NRG4: variants seen among roughly 807,000 people sequenced by gnomAD.
NRG4 encodes the protein pro-neuregulin-4, membrane-bound isoform.
A neutral mutation model predicts 15.0 loss-of-function variants in NRG4; 10 were observed. The observed-to-expected ratio is 0.67, with a 90% CI of 0.41 to 1.13. The LOEUF (loss-of-function observed/expected upper bound fraction) is 1.13. Among genes scored for constraint, NRG4 ranks in the 50% most tolerant of loss-of-function variants. The probability of loss-of-function intolerance (pLI) is 0.00; values close to 1 mark genes in which losing one functional copy is unlikely to be tolerated. For synonymous variants in NRG4, 41 were observed against 50.1 expected, an observed-to-expected ratio of 0.82 and a Z score of 0.77; for missense variants, 139 against 140.2, an observed-to-expected ratio of 0.99 and a Z score of 0.04.
chr15:75,959,690 AG>A (rs2032422471), intron 4 of NRG4, among the ~76,000 whole-genome samples: 1 of 151,482 alleles, frequency 6.6e-6, no homozygotes, highest in Non-Finnish European at 1.5e-5. Flanking sequence ...TTGTAGAGAC[AG>A]GGTCTTGTGA....
At chr15:75,943,838 CAGA>C (rs1437044809) in intron 5 of NRG4, among the ~76,000 whole-genome samples, 184 bp from the exon 6 acceptor site, 3 of 152,148 alleles carry the variant, frequency 2.0e-5, no homozygotes. Flanking sequence ...CAAGACTCCT[CAGA>C]ACACTGAGTT....
intron 4 of NRG4, among the ~76,000 whole-genome samples, chr15:75,956,344 C>T (rs2032238674): frequency 6.6e-6 from 1 of 152,094 alleles, no homozygotes; most frequent in South Asian, 2.1e-4. Context: ...TTTTTGTGCT[C>T]TTTTTAAAGA....
At chr15:75,945,249 ATTTT>A (rs1567067246) in intron 5 of NRG4, among the ~76,000 whole-genome samples, 1 of 136,880 alleles carries the variant, frequency 7.3e-6, no homozygotes, top group African/African-American at 2.7e-5. Context: ...TGATATATAT[ATTTT>A]TTATCATTTA....
intron 3 of NRG4, among the ~76,000 whole-genome samples, chr15:75,991,420 C>T (rs2034012106): frequency 6.6e-6 from 1 of 152,134 alleles, no homozygotes; most frequent in African/African-American, 2.4e-5. Flanking sequence ...CAAGATTTAG[C>T]CCATGGGTCA....
Position 75,978,125 on chromosome 15 carries a change from C to G in NRG4, c.105-16151G>C, listed in dbSNP as rs117520399. On this transcript the variant is annotated intron_variant, in intron 3 of 5. Transcript: ENST00000394907. ...AGCTACCGTGCCCAGCCTCTTCTAGCTATTTTGAAATATACAATAAATCTA... is the reference window on the plus strand; with the variant it reads ...AGCTACCGTGCCCAGCCTCTTCTAGGTATTTTGAAATATACAATAAATCTA... Among the ~76,000 whole-genome samples, 966 of 152,230 alleles carry G rather than the reference C, an allele frequency of 6.3e-3. 6 individuals are homozygous for G. Among genetic ancestry groups the G allele is most frequent in the Non-Finnish European group, 0.011 (773 of 68,000 alleles).
At chr15:76,032,258 C>A (rs1251170837) in intron 5 of NRG4, among the ~76,000 whole-genome samples, 2 of 151,984 alleles carry the variant, frequency 1.3e-5, no homozygotes, top group Non-Finnish European at 2.9e-5. Context: ...GCAAGTCTTA[C>A]AATATTGTTA....
intron 3 of NRG4, among the ~76,000 whole-genome samples, chr15:75,995,911 T>C (rs2141881294): frequency 6.6e-6 from 1 of 152,304 alleles, no homozygotes; most frequent in East Asian, 1.9e-4. Flanking sequence ...CTTCATGCAT[T>C]ACAGTTCTAA....
Position 76,039,959 on chromosome 15 carries a change from G to A in NRG4, c.-104-3968C>T, listed in dbSNP as rs770911704. Among the ~76,000 whole-genome samples the A allele has an allele frequency of 2.0e-4, 31 of 152,012 alleles. 1 individual carries two copies. Among genetic ancestry groups the A allele is most frequent in the African/African-American group, 4.1e-4 (17 of 41,378 alleles). ...TGAGGCATGAGAATCATTTGAACCC[G>A]GAGGCAGAGGTTGAGGTGAGCCAAG... On this transcript the variant is annotated intron_variant, in intron 4 of 8. Coordinates refer to the NRG4 transcript ENST00000563910.
chr15:75,994,938 C>T (rs1378316531), intron 3 of NRG4, among the ~76,000 whole-genome samples: 2 of 151,950 alleles, frequency 1.3e-5, no homozygotes, highest in East Asian at 3.9e-4. Flanking sequence ...CTTTGGGAGG[C>T]CAAGGGAGGA....
At chr15:75,993,088 C>T (rs567189997) in intron 3 of NRG4, among the ~76,000 whole-genome samples, 1 of 152,038 alleles carries the variant, frequency 6.6e-6, no homozygotes, top group South Asian at 2.1e-4. Flanking sequence ...GATAAGAAAT[C>T]AGTTGCCATT....
At chr15:75,966,556 G>A (rs2032803468) in intron 3 of NRG4, among the ~76,000 whole-genome samples, 2 of 152,034 alleles carry the variant, frequency 1.3e-5, no homozygotes, top group South Asian at 4.1e-4. Context: ...CAATAAATGT[G>A]CTATCATTAT....
At chr15:76,034,675 A>G (rs2035558558) in intron 5 of NRG4, among the ~76,000 whole-genome samples, 1 of 151,824 alleles carries the variant, frequency 6.6e-6, no homozygotes, top group Admixed American at 6.6e-5. Context: ...CTTATCTCTT[A>G]GCTGCTGACC....
At chr15:75,937,107 CT>C (rs2030420512), downstream of NRG4, 1 of 151,580 alleles carries the variant, frequency 6.6e-6, no homozygotes, top group African/African-American at 2.4e-5. Flanking sequence ...TATTCAAGGT[CT>C]TGTAATAAAA....
intron 5 of NRG4, among the ~76,000 whole-genome samples, chr15:75,946,775 A>T (rs1413350443): frequency 6.6e-6 from 1 of 152,108 alleles, no homozygotes; most frequent in Non-Finnish European, 1.5e-5. Flanking sequence ...GAATTTGCCT[A>T]TTCTAGGTGC....
rs144613764 is a variant in NRG4 at position 75,978,103 on chromosome 15, T to C, written c.105-16129A>G. 3.0e-3 allele frequency among the ~76,000 whole-genome samples: 457 copies of C among 152,208 alleles called. 3 individuals are homozygous for C. The highest frequency in any genetic ancestry group is 4.1e-3 in the Non-Finnish European group (276 of 67,990). On this transcript the variant is annotated intron_variant, in intron 3 of 5. Coordinates refer to ENST00000394907, the MANE Select transcript of NRG4 (RefSeq NM_138573.4). ...AAGTGCTGGGATTACAGGCATGAGCTACCGTGCCCAGCCTCTTCTAGCTAT... is the reference window on the plus strand; with the variant it reads ...AAGTGCTGGGATTACAGGCATGAGCCACCGTGCCCAGCCTCTTCTAGCTAT...
intron 5 of NRG4, among the ~76,000 whole-genome samples, chr15:76,034,200 T>C (rs962301264): frequency 6.6e-6 from 1 of 152,220 alleles, no homozygotes; most frequent in East Asian, 1.9e-4. Flanking sequence ...ATAAGATATC[T>C]ATCTCTAAGC....
chr15:76,001,146 T>A (rs1181716644), intron 3 of NRG4, among the ~76,000 whole-genome samples: 5 of 152,016 alleles, frequency 3.3e-5, no homozygotes, highest in South Asian at 4.2e-4. Context: ...CCACCACACC[T>A]GGTATTTTTT....
In NRG4 at chr15:76,003,561, A is replaced by C. The variant is rs1596011188; in HGVS notation, c.104+5639T>G. On this transcript the variant is annotated intron_variant, in intron 3 of 5. Transcript: ENST00000394907. ...TTTAAAACTTCCCAAATTTGATGAA[A>C]GACATTAATATAAATATCCAAAAAG... Among the ~76,000 whole-genome samples, 3 of 152,318 alleles carry C rather than the reference A, an allele frequency of 2.0e-5. No individual in the cohort carries two copies. The South Asian group carries it at 6.2e-4, about 32-fold the overall frequency.
chr15:75,967,112 C>CAAAAA (rs1300663699), intron 3 of NRG4, among the ~76,000 whole-genome samples: 2 of 51,168 alleles, frequency 3.9e-5, no homozygotes, highest in Admixed American at 2.2e-4. Context: ...GACTCCGTCT[C>CAAAAA]AAAAAAAAAA....
Sources: allele counts gnomAD v4.1 joint callset (sites outside exome capture counted in the v4.1 genomes callset), GRCh38; gene constraint gnomAD v4.1.1; transcripts MANE v1.5; gene names NCBI Gene and HGNC (gene_info 2026-07-23, HGNC 2026-07-21).